The following NARS2 variants were observed in gnomAD, a reference collection of about 807,000 sequenced individuals.
NARS2 encodes asparaginyl-tRNA synthetase 2, mitochondrial, also known as asparaginyl-tRNA synthetase.
NARS2 carries 60 observed loss-of-function variants against 62.9 expected under a neutral mutation model. That is an observed-to-expected ratio of 0.95 (90% CI 0.77 to 1.18). NARS2 has a LOEUF of 1.18. Ranked by LOEUF, NARS2 falls within the 50% of genes most tolerant of loss-of-function variation. NARS2 has a pLI of 0.00. For synonymous variants in NARS2, 196 were observed against 200.0 expected, an observed-to-expected ratio of 0.98 and a Z score of 0.17; for missense variants, 619 against 576.4, an observed-to-expected ratio of 1.07 and a Z score of -0.76.
chr11:78,455,452 C>A (rs912873932), intron 11 of NARS2, among the ~76,000 whole-genome samples: 1 of 152,032 alleles, frequency 6.6e-6, no homozygotes. Context: ...TAAATTTTCA[C>A]AAACACACCA....
intron 4 of NARS2, among the ~76,000 whole-genome samples, chr11:78,560,928 T>A (rs1283362698): frequency 6.6e-6 from 1 of 151,994 alleles, no homozygotes; most frequent in Non-Finnish European, 1.5e-5. Context: ...ACTATGAACA[T>A]GAGTGCAGTA....
rs765639257 is a variant in NARS2 at position 78,568,772 on chromosome 11, G to C, written c.252-20C>G. 5.2e-6 allele frequency: 8 copies of C among 1,542,574 alleles called. No homozygotes were observed. In the East Asian group the frequency reaches 1.8e-4, roughly 35 times the overall value. Reference sequence around the variant, plus strand: ...AATTCTCTATAGTAACAAAAAACAAGATAAACAAGATATCATTATATACAA... The same window carrying C: ...AATTCTCTATAGTAACAAAAAACAACATAAACAAGATATCATTATATACAA... On this transcript the variant is annotated intron_variant, in intron 2 of 13. Coordinates refer to ENST00000281038, the MANE Select transcript of NARS2 (RefSeq NM_024678.6).
At chr11:78,475,291 C>T (rs1325771733) in intron 9 of NARS2, among the ~76,000 whole-genome samples, 1 of 152,126 alleles carries the variant, frequency 6.6e-6, no homozygotes, top group Non-Finnish European at 1.5e-5. Context: ...TACACATTTA[C>T]TTTATCCAGT....
chr11:78,563,868 A>G (rs1414584642), intron 4 of NARS2, among the ~76,000 whole-genome samples: 1 of 81,428 alleles, frequency 1.2e-5, no homozygotes, highest in Non-Finnish European at 2.1e-5. Flanking sequence ...ATATATATAT[A>G]TGTATACACA....
intron 5 of NARS2, among the ~76,000 whole-genome samples, chr11:78,536,643 A>T (rs939383000): frequency 1.3e-4 from 20 of 152,224 alleles, no homozygotes; most frequent in Non-Finnish European, 2.6e-4. Flanking sequence ...AAAGAGTAAA[A>T]ATATTTTAAA....
At chr11:78,480,659 G>T (rs1859313258) in intron 7 of NARS2, among the ~76,000 whole-genome samples, 1 of 149,644 alleles carries the variant, frequency 6.7e-6, no homozygotes, top group Non-Finnish European at 1.5e-5. Flanking sequence ...GCTATTTAAG[G>T]CACTGATCAC....
chr11:78,466,793 T>A (rs945346378), intron 10 of NARS2, among the ~76,000 whole-genome samples: 1 of 152,204 alleles, frequency 6.6e-6, no homozygotes, highest in African/African-American at 2.4e-5. Flanking sequence ...GACTTCTTTT[T>A]AAATAAAAAG....
At chr11:78,491,012 T>A (rs555001757) in intron 7 of NARS2, among the ~76,000 whole-genome samples, 135 of 152,304 alleles carry the variant, frequency 8.9e-4, no homozygotes, top group African/African-American at 3.2e-3. Flanking sequence ...TGCAACCCTG[T>A]CATATGGTAA....
chr11:78,436,928 T>G (rs1857428564), intron 13 of NARS2, 114 bp from the exon 14 acceptor site: 6 of 1,007,190 alleles, frequency 6.0e-6, no homozygotes, highest in Non-Finnish European at 7.5e-6. Context: ...TTTACCTCAC[T>G]GTGATAGACC....
chr11:78,458,913 T>TTTTG (rs1353189147), intron 11 of NARS2, among the ~76,000 whole-genome samples: 3 of 151,676 alleles, frequency 2.0e-5, no homozygotes, highest in Non-Finnish European at 2.9e-5. Context: ...TGGGTTTTTT[T>TTTTG]TTTGTTTGTT....
chr11:78,468,323 AAAAAAG>A (rs1858717867), intron 10 of NARS2, among the ~76,000 whole-genome samples: 1 of 149,244 alleles, frequency 6.7e-6, no homozygotes, highest in African/African-American at 2.4e-5. Flanking sequence ...AAAAAAAAAA[AAAAAAG>A]AAAAAAAAGA....
chr11:78,465,512 G>A (rs1267660587), intron 11 of NARS2, among the ~76,000 whole-genome samples: 2 of 152,216 alleles, frequency 1.3e-5, no homozygotes, highest in Admixed American at 6.5e-5. Flanking sequence ...TCCCTCCTAG[G>A]AGTCTCCTAA....
intron 13 of NARS2, 139 bp downstream of exon 13, chr11:78,440,952 C>A (rs1857559547): frequency 1.4e-6 from 1 of 693,288 alleles, no homozygotes; most frequent in East Asian, 2.5e-5. Flanking sequence ...AGCCCCCAAC[C>A]CCTTCCCTGA....
At chr11:78,467,742 T>C (rs1369798536) in intron 10 of NARS2, among the ~76,000 whole-genome samples, 1 of 152,090 alleles carries the variant, frequency 6.6e-6, no homozygotes, top group African/African-American at 2.4e-5. Context: ...TAATGTACAG[T>C]GTGGGTAATG....
At chr11:78,567,318 G>A (rs919583172) in intron 3 of NARS2, among the ~76,000 whole-genome samples, 1 of 152,086 alleles carries the variant, frequency 6.6e-6, no homozygotes, top group East Asian at 1.9e-4. Flanking sequence ...AGATAAGCAG[G>A]ACAAAAGGAT....
At chr11:78,566,335 T>C in intron 3 of NARS2, 63 bp from the exon 4 acceptor site, 1 of 1,383,020 alleles carries the variant, frequency 7.2e-7, no homozygotes. Context: ...AAAATCAGTT[T>C]CCAGGGTATT....
At chr11:78,551,696 C>A (rs900204769) in intron 5 of NARS2, among the ~76,000 whole-genome samples, 12 of 151,988 alleles carry the variant, frequency 7.9e-5, no homozygotes, top group Non-Finnish European at 1.6e-4. Context: ...ACTAAAAATA[C>A]AAAAATTAGC....
intron 6 of NARS2, among the ~76,000 whole-genome samples, chr11:78,527,260 T>C (rs1184461302): frequency 3.9e-5 from 6 of 152,200 alleles, no homozygotes; most frequent in Non-Finnish European, 5.9e-5. Context: ...TTTACTTGTT[T>C]CCTCTGTAAT....
At chr11:78,483,045 T>C (rs183612382) in intron 7 of NARS2, among the ~76,000 whole-genome samples, 2 of 152,208 alleles carry the variant, frequency 1.3e-5, no homozygotes, top group African/African-American at 2.4e-5. Context: ...TCCACCACGA[T>C]CAAGTCAGCT....
Sources: allele counts gnomAD v4.1 joint callset (sites outside exome capture counted in the v4.1 genomes callset), GRCh38; gene constraint gnomAD v4.1.1; transcripts MANE v1.5; gene names NCBI Gene and HGNC (gene_info 2026-07-23, HGNC 2026-07-21).